CYP39A1: variants seen among roughly 807,000 people sequenced by gnomAD.
CYP39A1 encodes the protein 24-hydroxycholesterol 7-alpha-hydroxylase.
CYP39A1 carries 49 observed loss-of-function variants against 58.1 expected under a neutral mutation model. The observed-to-expected ratio is 0.84, with a 90% CI of 0.67 to 1.07. CYP39A1 has a LOEUF of 1.07. Among genes scored for constraint, CYP39A1 ranks in the 50% least tolerant of loss-of-function variants. The pLI, the probability that CYP39A1 is intolerant of heterozygous loss-of-function variation, is 0.00. For missense variants in CYP39A1, 531 were observed against 539.4 expected, an observed-to-expected ratio of 0.98 and a Z score of 0.16; for synonymous variants, 209 against 187.6, an observed-to-expected ratio of 1.11 and a Z score of -0.93.
At chr6:46,634,314 C>T (rs890851070) in intron 5 of CYP39A1, among the ~76,000 whole-genome samples, 37 of 152,158 alleles carry the variant, frequency 2.4e-4, no homozygotes, top group African/African-American at 8.9e-4. Context: ...ATTGTGAGGC[C>T]TCCCCAGCCA....
In CYP39A1 at chr6:46,550,283, T is replaced by C; in HGVS notation, c.*83A>G. 1 of 1,078,376 alleles carries C rather than the reference T, an allele frequency of 9.3e-7. No individual in the cohort carries two copies. Among genetic ancestry groups the C allele is most frequent in the Non-Finnish European group, 1.4e-6 (1 of 727,888 alleles). The allele number at this position is 1,078,376 out of a possible 1,614,324, so 66.8% of individuals were successfully genotyped here. ...AAAACAAAGTGAAGCAGTGTGTTTT[T>C]GTAGAGCTCAGGTCTAGGTGCTGCC... On this transcript the variant is annotated 3_prime_UTR_variant, in exon 12 of 12. Transcript: ENST00000275016.
At chr6:46,610,108 T>G (rs1774123544) in intron 7 of CYP39A1, among the ~76,000 whole-genome samples, 1 of 152,158 alleles carries the variant, frequency 6.6e-6, no homozygotes, top group Non-Finnish European at 1.5e-5. Context: ...TTTGGGAAAT[T>G]TTGTCTTGAC....
rs1332210511 is a variant in CYP39A1 at position 46,630,971 on chromosome 6, C to T, written c.832G>A (p.Ala278Thr). 1 of 1,612,300 alleles carries T rather than the reference C, an allele frequency of 6.2e-7. No homozygotes were observed. The highest frequency in any genetic ancestry group is 1.7e-5 in the Admixed American group (1 of 60,004). The change falls in exon 6 of 12, where the codon GCT (alanine) becomes ACT (threonine). Residue 278 changes from alanine to threonine, a missense_variant. By Grantham distance (58) the Ala-to-Thr change is moderately conservative. Coordinates refer to ENST00000275016, the MANE Select transcript of CYP39A1 (RefSeq NM_016593.5). ...TTTACTAATATACTTACAGGAACAG[C>T]ATTAGACAGAGAAGCCCAAAGCAGT... ...LLLLWASLSN[A>T]VPVAFWTLAY...
At position 46,551,795 on chromosome 6, in the gene CYP39A1, G is replaced by A. The variant is rs1770411746; in HGVS notation, c.1339-1358C>T. Among the ~76,000 whole-genome samples, 3 of 152,180 alleles carry A rather than the reference G, an allele frequency of 2.0e-5. No homozygotes were observed. In the South Asian group the frequency reaches 6.2e-4, roughly 32 times the overall value. ...TCCCTGCCTTCTCCTAGAAGAGCCT[G>A]GTGATTTGACGGCCATTTCCTGTAC... On this transcript the variant is annotated intron_variant, in intron 11 of 11. Transcript: ENST00000275016.
chr6:46,609,153 G>C (rs1371709513), intron 7 of CYP39A1, among the ~76,000 whole-genome samples: 1 of 151,806 alleles, frequency 6.6e-6, no homozygotes, highest in East Asian at 2.0e-4. Context: ...TGTAATCCCA[G>C]CACTTCGGGA....
At chr6:46,588,747 A>G (rs534109286) in intron 8 of CYP39A1, among the ~76,000 whole-genome samples, 55 of 152,312 alleles carry the variant, frequency 3.6e-4, no homozygotes, top group Middle Eastern at 3.4e-3. Flanking sequence ...AGACACAGGA[A>G]AAGGCAAGTG....
At chr6:46,590,192 T>C (rs1772746889) in intron 8 of CYP39A1, among the ~76,000 whole-genome samples, 1 of 152,144 alleles carries the variant, frequency 6.6e-6, no homozygotes, top group South Asian at 2.1e-4. Context: ...AGTTGCAGAA[T>C]GAGAACACAG....
intron 1 of CYP39A1, among the ~76,000 whole-genome samples, chr6:46,644,069 G>T (rs1029542916): frequency 6.6e-6 from 1 of 152,172 alleles, no homozygotes; most frequent in Non-Finnish European, 1.5e-5. Flanking sequence ...TCAAGATACA[G>T]AATGTTTCCA....
chr6:46,560,119 C>A (rs1242035635), intron 10 of CYP39A1, among the ~76,000 whole-genome samples: 1 of 151,816 alleles, frequency 6.6e-6, no homozygotes, highest in African/African-American at 2.4e-5. Context: ...AGAGGGTGAG[C>A]CATAAAAGGT....
At chr6:46,569,309 C>A (rs1771458820) in intron 10 of CYP39A1, among the ~76,000 whole-genome samples, 1 of 151,974 alleles carries the variant, frequency 6.6e-6, no homozygotes, top group African/African-American at 2.4e-5. Context: ...AAGATCATAT[C>A]ATCTGTGAAG....
chr6:46,631,144 G>A, intron 5 of CYP39A1, 74 bp from the exon 6 acceptor site: 1 of 1,170,540 alleles, frequency 8.5e-7, no homozygotes, highest in Non-Finnish European at 1.3e-6. Flanking sequence ...AAGAGATCAT[G>A]CCTTTTTCTT....
At chr6:46,578,051 CA>C (rs1019331406) in intron 10 of CYP39A1, among the ~76,000 whole-genome samples, 1 of 151,908 alleles carries the variant, frequency 6.6e-6, no homozygotes, top group Non-Finnish European at 1.5e-5. Flanking sequence ...TCAACAAATT[CA>C]AAAAACCAAA....
At chr6:46,650,111 T>TACAC (rs3085603) in intron 1 of CYP39A1, among the ~76,000 whole-genome samples, 4,588 of 147,004 alleles carry the variant, frequency 0.031, 121 homozygotes, top group African/African-American at 0.071. Flanking sequence ...TTACTACATT[T>TACAC]ACACACACAC....
rs748297794 is a variant in CYP39A1, at chr6:46,588,148, C to T, written c.1066-19G>A. 4 of 1,469,894 alleles carry T rather than the reference C, an allele frequency of 2.7e-6. No homozygotes were observed. In the African/African-American group the frequency reaches 4.2e-5, roughly 16 times the overall value. 91.1% of individuals were successfully genotyped at this position (1,469,894 alleles called of 1,614,324 possible). The stretch of plus-strand genomic sequence containing the variant: ...TGTAATTCTATAACAGAAAAATCAG[C>T]TGCAAATCATTTTTTTGAAATATAC... On this transcript the variant is annotated intron_variant, in intron 8 of 11. Transcript: ENST00000275016.
At chr6:46,622,600 C>T (rs1466280136) in intron 7 of CYP39A1, among the ~76,000 whole-genome samples, 1 of 151,636 alleles carries the variant, frequency 6.6e-6, no homozygotes, top group Non-Finnish European at 1.5e-5. Context: ...AAAGTGAGAC[C>T]CTGTTGCTAA....
chr6:46,581,642 T>C (rs1451265727), intron 10 of CYP39A1, among the ~76,000 whole-genome samples: 34 of 151,710 alleles, frequency 2.2e-4, no homozygotes, highest in Admixed American at 2.2e-3. Context: ...AAAGAGGGAA[T>C]TGTTGTGGGT....
At position 46,550,411 on chromosome 6, in the gene CYP39A1, G is replaced by T; in HGVS notation, c.1365C>A (p.Pro455=). ...CAATTCGGCATTGCCCTTCCGGCTG[G>T]GGGACACCCACCAAATGGAGATAAC... is the stretch of plus-strand genomic sequence containing the variant. ...KQSYLHLVGV[P]QPEGQCRIEY... is the part of the protein sequence containing the mutation. Residue 455 remains proline (P), a synonymous_variant, in exon 12 of 12, where the codon CCC becomes CCA. Coordinates refer to ENST00000275016, the MANE Select transcript of CYP39A1 (RefSeq NM_016593.5). 6.2e-7 allele frequency: 1 copy of T among 1,611,924 alleles called. No individual in the cohort carries two copies. Among genetic ancestry groups the T allele is most frequent in the East Asian group, 2.2e-5 (1 of 44,786 alleles).
At chr6:46,553,687 T>C in intron 11 of CYP39A1, 80 bp downstream of exon 11, 1 of 890,370 alleles carries the variant, frequency 1.1e-6, no homozygotes. Flanking sequence ...TCATCTCTAG[T>C]AATCAAAATT....
intron 7 of CYP39A1, among the ~76,000 whole-genome samples, chr6:46,618,319 C>T (rs1283629574): frequency 6.6e-6 from 1 of 152,146 alleles, no homozygotes; most frequent in Non-Finnish European, 1.5e-5. Context: ...GTGTCTCCAC[C>T]TGGATTTCAA....
Sources: gnomAD v4.1 joint callset for allele counts (sites outside exome capture counted in the v4.1 genomes callset) on GRCh38, gnomAD v4.1.1 for gene constraint, MANE v1.5 for transcripts, NCBI Gene and HGNC (gene_info 2026-07-23, HGNC 2026-07-21) for gene names.